The following CDH23 variants were observed in gnomAD, a reference collection of about 807,000 sequenced individuals.
CDH23 encodes cadherin-23.
CDH23 carries 189 observed loss-of-function variants against 317.1 expected under a neutral mutation model. The observed-to-expected ratio is 0.60, with a 90% CI of 0.53 to 0.67. CDH23 has a LOEUF of 0.67. CDH23 is among the 30% of genes least tolerant of loss of function. The pLI is 0.00. For synonymous variants in CDH23, 1,839 were observed against 1,876.8 expected (o/e 0.98, Z 0.52); for missense variants, 4,401 against 4,592.4 (o/e 0.96, Z 1.20).
chr10:71,807,557 T>C lies in CDH23; in HGVS notation c.8350T>C (p.Cys2784Arg), dbSNP rs1250112273. ...GAACTTCCATCTGCAGCCCGATGGG[T>C]GTCTGCTGGTGCTGCGGGACCTGGA... ...EKNFHLQPDG[C>R]LLVLRDLDRE... Residue 2784 changes from cysteine (C) to arginine (R), a missense_variant, in exon 59 of 70, where the codon TGT (cysteine) becomes CGT (arginine). Physicochemically the swap from Cys to Arg is radical, Grantham distance 180. This residue lies in a region of CDH23 where 1,144 missense variants were observed against 1,138.2 expected (regional missense o/e 1.01). Coordinates refer to ENST00000224721, the MANE Select transcript of CDH23 (RefSeq NM_022124.6). 6.2e-7 allele frequency: 1 copy of C among 1,613,870 alleles called. No individual in the cohort carries two copies. Among genetic ancestry groups the C allele is most frequent in the Non-Finnish European group, 8.5e-7 (1 of 1,179,868 alleles).
chr10:71,592,793 C>G (rs147457750), intron 9 of CDH23, among the ~76,000 whole-genome samples: 80 of 152,310 alleles, frequency 5.3e-4, no homozygotes, highest in Middle Eastern at 3.4e-3. Context: ...TTCAGCCCAC[C>G]ATAGCATCCG....
At chr10:71,767,838 A>G (rs958039450) in intron 38 of CDH23, among the ~76,000 whole-genome samples, 4 of 152,200 alleles carry the variant, frequency 2.6e-5, no homozygotes, top group Non-Finnish European at 5.9e-5. Flanking sequence ...GCCAGGCTCT[A>G]TTGAAGGAAG....
chr10:71,423,704 G>A lies in CDH23; in HGVS notation c.-5-16123G>A, dbSNP rs558245667. Among the ~76,000 whole-genome samples, 6 of 152,248 alleles carry A rather than the reference G, an allele frequency of 3.9e-5. No homozygotes were observed. In the South Asian group the frequency reaches 1.0e-3, roughly 26 times the overall value. On this transcript the variant is annotated intron_variant, in intron 1 of 69. Coordinates refer to ENST00000224721, the MANE Select transcript of CDH23 (RefSeq NM_022124.6). ...TCATACTGGGGCCTCAGCACTGCAG[G>A]GTTTTAGGGTCATGCCTCTATCCTC...
intron 11 of CDH23, among the ~76,000 whole-genome samples, chr10:71,643,431 G>T (rs1191482615): frequency 6.6e-6 from 1 of 152,180 alleles, no homozygotes. Flanking sequence ...GGGTGTTTGG[G>T]GTTGTTTCCT....
intron 38 of CDH23, among the ~76,000 whole-genome samples, chr10:71,777,141 C>A (rs1010168114): frequency 3.3e-5 from 5 of 152,236 alleles, no homozygotes; most frequent in African/African-American, 1.2e-4. Context: ...GAAATTGCCA[C>A]AAACCCAATG....
Position 71,690,388 on chromosome 10 carries a change from G to A in CDH23, c.2060-80G>A, listed in dbSNP as rs893959237. 11 of 1,049,826 alleles carry A rather than the reference G, an allele frequency of 1.0e-5. No homozygotes were observed. The Admixed American group carries it at 1.8e-4, about 17-fold the overall frequency. The allele number at this position is 1,049,826 out of a possible 1,614,324, so 65.0% of individuals were successfully genotyped here. On this transcript the variant is annotated intron_variant, in intron 19 of 69. Coordinates refer to ENST00000224721, the MANE Select transcript of CDH23 (RefSeq NM_022124.6). ...GTCCTCCTCTTGGGCCAGCGCAAAT[G>A]CTGCTCCCAGGGCTGGGGCCTTGAA...
chr10:71,605,189 A>C (rs962237163), intron 9 of CDH23, among the ~76,000 whole-genome samples: 2 of 152,054 alleles, frequency 1.3e-5, no homozygotes, highest in African/African-American at 4.8e-5. Flanking sequence ...AACTGTCACC[A>C]CTAGGAAGTT....
At chr10:71,800,888 AAGG>A in intron 53 of CDH23, 133 bp downstream of exon 53, 3 of 1,263,900 alleles carry the variant, frequency 2.4e-6, no homozygotes, top group South Asian at 2.9e-5. Flanking sequence ...CAGTGACAGA[AAGG>A]AGAAGGCAAG....
intron 14 of CDH23, among the ~76,000 whole-genome samples, chr10:71,673,425 T>C (rs1864229650): frequency 1.3e-5 from 2 of 152,210 alleles, no homozygotes; most frequent in African/African-American, 4.8e-5. Context: ...TTGATGACCA[T>C]GATTGTCAGT....
intron 38 of CDH23, chr10:71,761,461 T>C: frequency 9.4e-7 from 1 of 1,064,708 alleles, no homozygotes; most frequent in East Asian, 2.6e-5. Context: ...CCACCCCATC[T>C]CACCCACACA....
chr10:71,687,684 C>T lies in CDH23; in HGVS notation c.2024C>T (p.Ala675Val), dbSNP rs774061737. ...NDNPPTFSKP[A>V]YFVSVVENIM... ...AACCCTCCCACCTTCAGCAAGCCCG[C>T]CTACTTCGTCTCCGTGGTGGAGAAC... Residue 675 changes from alanine to valine, a missense_variant, in exon 19 of 70, where the codon GCC (alanine) becomes GTC (valine). Around this residue, in one of 3 missense-constraint regions of CDH23, gnomAD observed 3,068 missense variants for 3,203.3 expected, o/e 0.96. Transcript: ENST00000224721. 6.2e-7 allele frequency: 1 copy of T among 1,613,914 alleles called. No individual in the cohort carries two copies. The highest frequency in any genetic ancestry group is 1.1e-5 in the South Asian group (1 of 91,074).
At chr10:71,755,238 A>G in intron 38 of CDH23, 1 of 940,304 alleles carries the variant, frequency 1.1e-6, no homozygotes, top group Non-Finnish European at 1.6e-6. Flanking sequence ...AGCTGCTCCC[A>G]ACTCTCAAAT....
chr10:71,520,840 C>T (rs1285799498), intron 6 of CDH23, among the ~76,000 whole-genome samples: 2 of 152,202 alleles, frequency 1.3e-5, no homozygotes, highest in African/African-American at 4.8e-5. Context: ...GGCCTGGCAG[C>T]CCCTGTGACA....
chr10:71,744,565 G>T (rs979577378), intron 38 of CDH23, among the ~76,000 whole-genome samples: 4 of 152,148 alleles, frequency 2.6e-5, no homozygotes, highest in Non-Finnish European at 4.4e-5. Context: ...CCTCTGCAGG[G>T]ACCCATCCCA....
chr10:71,531,205 G>A (rs770774460), intron 6 of CDH23, among the ~76,000 whole-genome samples: 3 of 152,216 alleles, frequency 2.0e-5, no homozygotes, highest in Non-Finnish European at 4.4e-5. Context: ...CCTCTGACTA[G>A]CTTGTAACTG....
rs766862917 is a variant in CDH23, at chr10:71,809,893, T to C, written c.8796T>C (p.Ile2932=). The change falls in exon 61 of 70, where the codon ATT becomes ATC. Residue 2932 remains isoleucine (I), a synonymous_variant. Transcript: ENST00000224721. The part of the protein sequence containing the change: ...AYSPGYFVVD[I]VARDLAGHND... ...GCCCCGGCTACTTCGTGGTGGACAT[T>C]GTGGCCCGAGACCTGGCAGGCCACA... The C allele has an allele frequency of 1.9e-6, 3 of 1,613,316 alleles. No homozygotes were observed. The highest frequency in any genetic ancestry group is 2.5e-6 in the Non-Finnish European group (3 of 1,179,898).
At chr10:71,611,617 C>T (rs1353926733) in intron 9 of CDH23, among the ~76,000 whole-genome samples, 3 of 152,154 alleles carry the variant, frequency 2.0e-5, no homozygotes, top group African/African-American at 7.2e-5. Context: ...CTTTTACAGA[C>T]CAAGCAACTG....
intron 28 of CDH23, chr10:71,713,427 C>T (rs549018123): frequency 3.3e-5 from 20 of 607,472 alleles, no homozygotes; most frequent in Non-Finnish European, 5.3e-5. Flanking sequence ...GTTTCCGACT[C>T]GGAGGCTGAG....
chr10:71,549,870 C>T (rs1023039636), intron 6 of CDH23, among the ~76,000 whole-genome samples: 4 of 152,118 alleles, frequency 2.6e-5, no homozygotes, highest in East Asian at 3.9e-4. Context: ...GCTTGTGGGG[C>T]GGGGTCGGGG....
Sources: gnomAD v4.1 joint callset for allele counts (sites outside exome capture counted in the v4.1 genomes callset) on GRCh38, gnomAD v4.1.1 for gene constraint, gnomAD v4.1.1 regional missense constraint, MANE v1.5 for transcripts, NCBI Gene and HGNC (gene_info 2026-07-23, HGNC 2026-07-21) for gene names.